LHCGR: variants seen among roughly 807,000 people sequenced by gnomAD.
The protein encoded by LHCGR is lutropin-choriogonadotropic hormone receptor.
In LHCGR, 55 loss-of-function variants were observed where a neutral mutation model predicts 60.7. The observed-to-expected ratio is 0.91, with a 90% CI of 0.73 to 1.13. The LOEUF is 1.13. LHCGR is among the 50% of genes most tolerant of loss of function. The pLI is 0.00. For synonymous variants in LHCGR, 337 were observed against 316.5 expected (o/e 1.06, Z -0.69); for missense variants, 862 against 836.0 (o/e 1.03, Z -0.38).
Position 48,688,482 on chromosome 2 carries a change from A to G in LHCGR, c.1315T>C (p.Cys439Arg), listed in dbSNP as rs1365369603. ...ACAGTGAAAAAGCCAGCAGTGCTGC[A>G]CCCACTCCCTGTCTGCCAGTCTATG... is the stretch of plus-strand genomic sequence containing the variant. ...HAIDWQTGSG[C>R]STAGFFTVFA... Residue 439 changes from cysteine (C) to arginine (R), a missense_variant, in exon 11 of 11, where the codon TGC (cysteine) becomes CGC (arginine). Cys to Arg is a radical substitution (Grantham distance 180, BLOSUM62 -3). Coordinates refer to ENST00000294954, the MANE Select transcript of LHCGR (RefSeq NM_000233.4). This position sits in a 1 kb window ranked among gnomAD's most constrained non-coding sequence, Gnocchi z 5.2. 9 of 1,614,146 alleles carry G rather than the reference A, an allele frequency of 5.6e-6. No homozygotes were observed. The highest frequency in any genetic ancestry group is 7.6e-6 in the Non-Finnish European group (9 of 1,180,026).
At position 48,723,512 on chromosome 2, in the gene LHCGR, G is replaced by A. The variant is rs1247851086; in HGVS notation, c.480C>T (p.His160=). The change falls in exon 6 of 11, where the codon CAC becomes CAT. Residue 160 remains histidine, a synonymous_variant. Coordinates refer to ENST00000294954, the MANE Select transcript of LHCGR (RefSeq NM_000233.4). ...NFILEICDNL[H]ITTIPGNAFQ... ...AAGCATTTCCTGGTATGGTGGTTAT[G>A]TGTAAGTTATCACAAATTTCCCTTG... is the stretch of plus-strand genomic sequence containing the variant. The A allele has an allele frequency of 3.1e-6, 5 of 1,612,604 alleles. No homozygotes were observed. The highest frequency in any genetic ancestry group is 3.3e-5 in the Admixed American group (2 of 59,994).
chr2:48,708,227 C>G (rs966947977), intron 8 of LHCGR, among the ~76,000 whole-genome samples: 33 of 152,178 alleles, frequency 2.2e-4, no homozygotes, highest in African/African-American at 7.2e-4. Flanking sequence ...CTTGCACCCT[C>G]AGAGAGTCTG....
At chr2:48,713,866 G>C in intron 7 of LHCGR, 120 bp downstream of exon 7, 1 of 809,582 alleles carries the variant, frequency 1.2e-6, no homozygotes, top group Non-Finnish European at 2.1e-6. Context: ...AAACACTGAG[G>C]GCTAGCCACT....
At chr2:48,722,046 A>T (rs1668521020) in intron 6 of LHCGR, among the ~76,000 whole-genome samples, 1 of 152,184 alleles carries the variant, frequency 6.6e-6, no homozygotes, top group African/African-American at 2.4e-5. Flanking sequence ...GCTACTCAGG[A>T]GGCTGAGGCA....
chr2:48,694,417 T>G (rs1210422612), intron 9 of LHCGR, 113 bp from the exon 10 acceptor site: 1 of 709,898 alleles, frequency 1.4e-6, no homozygotes, highest in Non-Finnish European at 2.6e-6. Context: ...TACACCAGCA[T>G]CTCGTTCTGC....
chr2:48,741,144 A>AAGAG (rs1202774372), intron 1 of LHCGR, among the ~76,000 whole-genome samples: 2 of 152,150 alleles, frequency 1.3e-5, no homozygotes, highest in Non-Finnish European at 2.9e-5. Flanking sequence ...TTAGAGAAAA[A>AAGAG]AGAATAAAAA....
At chr2:48,695,202 C>T (rs905650707) in intron 9 of LHCGR, among the ~76,000 whole-genome samples, 11 of 152,084 alleles carry the variant, frequency 7.2e-5, no homozygotes, top group African/African-American at 2.7e-4. Flanking sequence ...AGACCTTTGT[C>T]AAATGCATAG....
chr2:48,741,662 G>A lies in LHCGR; in HGVS notation c.162-10364C>T, dbSNP rs917214750. On this transcript the variant is annotated intron_variant, in intron 1 of 10. Transcript: ENST00000294954. ...ATGCTGAGAGATTTTGTCACCACCAGGCCTGCCCTAAAAGAGCTCCTGAAG... is the reference window on the plus strand; with the variant it reads ...ATGCTGAGAGATTTTGTCACCACCAAGCCTGCCCTAAAAGAGCTCCTGAAG... 3.0e-3 allele frequency among the ~76,000 whole-genome samples: 450 copies of A among 151,160 alleles called. 2 individuals carry two copies. Among genetic ancestry groups the A allele is most frequent in the Non-Finnish European group, 4.7e-3 (318 of 67,764 alleles).
intron 1 of LHCGR, among the ~76,000 whole-genome samples, chr2:48,739,571 C>G (rs1305725515): frequency 1.3e-5 from 2 of 151,556 alleles, no homozygotes; most frequent in Non-Finnish European, 2.9e-5. Flanking sequence ...GACAAAAAAC[C>G]AAACACTGCA....
At chr2:48,746,320 G>T (rs1034312434) in intron 1 of LHCGR, among the ~76,000 whole-genome samples, 5 of 152,168 alleles carry the variant, frequency 3.3e-5, no homozygotes, top group East Asian at 1.9e-4. Context: ...ACTTTCCTCT[G>T]ATTAGGACAA....
intron 1 of LHCGR, among the ~76,000 whole-genome samples, chr2:48,734,919 A>T (rs1365123491): frequency 6.6e-6 from 1 of 152,244 alleles, no homozygotes; most frequent in Non-Finnish European, 1.5e-5. Flanking sequence ...TTGAACTTGC[A>T]GGGTGGAGAT....
chr2:48,735,775 C>T (rs919608347), intron 1 of LHCGR, among the ~76,000 whole-genome samples: 2 of 152,088 alleles, frequency 1.3e-5, no homozygotes, highest in African/African-American at 4.8e-5. Flanking sequence ...GTGGCTGAAG[C>T]TCTCAGCTGA....
chr2:48,721,595 A>T, intron 6 of LHCGR: 1 of 436,264 alleles, frequency 2.3e-6, no homozygotes, highest in Non-Finnish European at 4.6e-6. Flanking sequence ...TAAAAGTACT[A>T]TACAAAGGCA....
At chr2:48,712,439 A>G (rs1668037844) in intron 7 of LHCGR, among the ~76,000 whole-genome samples, 1 of 152,168 alleles carries the variant, frequency 6.6e-6, no homozygotes, top group Non-Finnish European at 1.5e-5. Flanking sequence ...GATGATATAA[A>G]TGCCTCTGAT....
intron 1 of LHCGR, among the ~76,000 whole-genome samples, chr2:48,734,489 A>C (rs1669132817): frequency 6.6e-6 from 1 of 152,222 alleles, no homozygotes; most frequent in South Asian, 2.1e-4. Context: ...TCTGTACTAG[A>C]GAGACAAATG....
chr2:48,702,941 C>A (rs1667485980), intron 8 of LHCGR, among the ~76,000 whole-genome samples: 2 of 152,256 alleles, frequency 1.3e-5, no homozygotes, highest in South Asian at 4.1e-4. Flanking sequence ...CTGTTGTGTC[C>A]TGACTTTTTA....
In LHCGR at chr2:48,686,804, A is replaced by G. The variant is rs1679915610; in HGVS notation, c.*893T>C. ...TTTAAATATTTAAACATTTTATTTC[A>G]TTCAAATAAAAATATAAGCTCTAGA... is the stretch of plus-strand genomic sequence containing the variant. On this transcript the variant is annotated 3_prime_UTR_variant, in exon 11 of 11. Coordinates refer to ENST00000294954, the MANE Select transcript of LHCGR (RefSeq NM_000233.4). 1 of 152,182 alleles carries G rather than the reference A, an allele frequency of 6.6e-6. No individual in the cohort carries two copies. 9.4% of individuals were successfully genotyped at this position (152,182 alleles called of 1,614,324 possible). A position where few individuals can be genotyped will look rare whatever the true frequency, so the allele number is the denominator to read the frequency against.
At chr2:48,729,390 A>G (rs189583241) in intron 2 of LHCGR, among the ~76,000 whole-genome samples, 163 bp from the exon 3 acceptor site, 1 of 152,332 alleles carries the variant, frequency 6.6e-6, no homozygotes, top group East Asian at 1.9e-4. Flanking sequence ...CAGTGCTAAC[A>G]TCTCCCTTTA....
intron 8 of LHCGR, among the ~76,000 whole-genome samples, chr2:48,708,529 G>C (rs1344487185): frequency 7.2e-6 from 1 of 138,606 alleles, no homozygotes; most frequent in Non-Finnish European, 1.5e-5. Flanking sequence ...ATTAAAAGGG[G>C]CAATTTGGAG....
Sources: gnomAD v4.1 joint callset for allele counts (sites outside exome capture counted in the v4.1 genomes callset) on GRCh38, gnomAD v4.1.1 for gene constraint, Gnocchi (gnomAD v3.1) non-coding constraint, MANE v1.5 for transcripts, NCBI Gene and HGNC (gene_info 2026-07-23, HGNC 2026-07-21) for gene names.